Variants in PRELID2 observed in about 807,000 individuals in gnomAD.
PRELID2 encodes the protein PRELI domain containing 2, also known as PRELI domain-containing protein 2.
A neutral mutation model predicts 28.4 loss-of-function variants in PRELID2; 25 were observed. That is an observed-to-expected ratio of 0.88 (90% CI 0.64 to 1.23). The LOEUF is 1.23. Among genes scored for constraint, PRELID2 ranks in the 50% most tolerant of loss-of-function variants. The pLI is 0.00. For missense variants in PRELID2, 201 were observed against 214.4 expected, an observed-to-expected ratio of 0.94 and a Z score of 0.39; for synonymous variants, 76 against 71.6, an observed-to-expected ratio of 1.06 and a Z score of -0.31.
At chr5:145,271,800 C>T in the PRELID2 span, among the ~76,000 whole-genome samples, 2 of 152,108 alleles carry the variant, frequency 1.3e-5, no homozygotes, top group Non-Finnish European at 2.9e-5. Flanking sequence ...CCAATTCATC[C>T]GCAAGACATA....
the PRELID2 span, among the ~76,000 whole-genome samples, chr5:145,392,934 T>C: frequency 6.6e-6 from 1 of 152,216 alleles, no homozygotes; most frequent in East Asian, 1.9e-4. Flanking sequence ...AAACACTTTG[T>C]TTCTGTGTCA....
At chr5:145,299,755 A>G in the PRELID2 span, among the ~76,000 whole-genome samples, 1 of 151,794 alleles carries the variant, frequency 6.6e-6, no homozygotes, top group Non-Finnish European at 1.5e-5. Flanking sequence ...CAGATCAATA[A>G]TTTCATTGGG....
chr5:145,485,531 G>A (rs1026744625), intron 1 of PRELID2, among the ~76,000 whole-genome samples: 2 of 152,196 alleles, frequency 1.3e-5, no homozygotes, highest in African/African-American at 4.8e-5. Context: ...ACTCTTGGCT[G>A]TCAACCATGA....
intron 1 of PRELID2, among the ~76,000 whole-genome samples, chr5:145,593,014 G>A (rs1753253590): frequency 6.6e-6 from 1 of 152,144 alleles, no homozygotes; most frequent in Admixed American, 6.6e-5. Flanking sequence ...CTGTGAATGT[G>A]ACTAAGCAGA....
intron 5 of PRELID2, among the ~76,000 whole-genome samples, chr5:145,788,337 C>A (rs1752136215): frequency 6.6e-6 from 1 of 152,212 alleles, no homozygotes; most frequent in Admixed American, 6.5e-5. Flanking sequence ...TTGTCTTCAG[C>A]ATGTTTTTGG....
the PRELID2 span, among the ~76,000 whole-genome samples, chr5:145,385,273 C>T: frequency 1.3e-5 from 2 of 152,306 alleles, no homozygotes; most frequent in South Asian, 4.1e-4. Flanking sequence ...TCCCGAAGGA[C>T]TTTTCAGTAC....
intron 1 of PRELID2, among the ~76,000 whole-genome samples, chr5:145,622,425 T>C (rs1399008675): frequency 1.3e-5 from 2 of 152,170 alleles, no homozygotes; most frequent in African/African-American, 2.4e-5. Context: ...TAACTACTTA[T>C]GCTAAAGGAA....
intron 1 of PRELID2, among the ~76,000 whole-genome samples, chr5:145,599,923 T>C (rs573029942): frequency 1.3e-3 from 200 of 152,282 alleles, no homozygotes; most frequent in African/African-American, 4.5e-3. Context: ...TTTAAGAAAC[T>C]TTTATTTTAA....
At chr5:145,445,099 C>T in the PRELID2 span, among the ~76,000 whole-genome samples, 1 of 151,914 alleles carries the variant, frequency 6.6e-6, no homozygotes. Flanking sequence ...AAGAAGAAAG[C>T]CAGAGGTATC....
rs540591034 is a variant in PRELID2, at chr5:145,508,999, A to G, written n.71-35684T>C. On this transcript the variant is annotated intron_variant and non_coding_transcript_variant, in intron 1 of 2. Transcript: ENST00000510259. ...CAAATTCATAATCATAGTCTGTAAA[A>G]AACTGAAATGAGGGTCACCTTGTCA... Among the ~76,000 whole-genome samples the G allele has an allele frequency of 2.2e-4, 34 of 152,264 alleles. No individual in the cohort carries two copies. The South Asian group carries it at 3.9e-3, about 18-fold the overall frequency.
the PRELID2 span, among the ~76,000 whole-genome samples, chr5:145,306,114 C>T: frequency 6.6e-6 from 1 of 152,114 alleles, no homozygotes; most frequent in South Asian, 2.1e-4. Context: ...ACTGGAAGTG[C>T]CCACATGCTT....
At chr5:145,325,615 G>A in the PRELID2 span, among the ~76,000 whole-genome samples, 155 of 152,248 alleles carry the variant, frequency 1.0e-3, no homozygotes, top group Middle Eastern at 3.4e-3. Context: ...TAATAAGAAA[G>A]TTAAAGTTAA....
intron 1 of PRELID2, among the ~76,000 whole-genome samples, chr5:145,608,679 T>G (rs979875806): frequency 1.3e-5 from 2 of 152,182 alleles, no homozygotes; most frequent in Non-Finnish European, 2.9e-5. Flanking sequence ...ATATTTTTTC[T>G]TTCATTTCAA....
chr5:145,354,155 T>A, the PRELID2 span, among the ~76,000 whole-genome samples: 1 of 151,680 alleles, frequency 6.6e-6, no homozygotes, highest in African/African-American at 2.4e-5. Flanking sequence ...GAGGCTGTAA[T>A]TACCATCCTA....
intron 1 of PRELID2, among the ~76,000 whole-genome samples, chr5:145,745,720 G>A (rs1756972727): frequency 6.6e-6 from 1 of 152,020 alleles, no homozygotes; most frequent in South Asian, 2.1e-4. Context: ...ACAATTAGCT[G>A]GATATTGTGG....
At chr5:145,533,623 G>A (rs1281187030) in intron 1 of PRELID2, among the ~76,000 whole-genome samples, 2 of 152,014 alleles carry the variant, frequency 1.3e-5, no homozygotes, top group African/African-American at 4.8e-5. Context: ...AGCTTACAGG[G>A]ATTAGTGACT....
chr5:145,596,100 A>C (rs1000180307), intron 1 of PRELID2, among the ~76,000 whole-genome samples: 1 of 115,940 alleles, frequency 8.6e-6, no homozygotes, highest in African/African-American at 3.8e-5. Context: ...AGCCTGTCTC[A>C]AAAAAAAAAA....
At chr5:145,531,469 A>T (rs886515733) in intron 1 of PRELID2, among the ~76,000 whole-genome samples, 1 of 152,192 alleles carries the variant, frequency 6.6e-6, no homozygotes. Context: ...AACCTTGATA[A>T]TTGAAGAAAA....
intron 4 of PRELID2, among the ~76,000 whole-genome samples, chr5:145,796,912 T>C (rs2149818618): frequency 6.6e-6 from 1 of 152,218 alleles, no homozygotes; most frequent in South Asian, 2.1e-4. Context: ...CTGTGGCAAG[T>C]AAATGAGTTA....
Sources: allele counts gnomAD v4.1 joint callset (sites outside exome capture counted in the v4.1 genomes callset), GRCh38; gene constraint gnomAD v4.1.1; transcripts MANE v1.5; gene names NCBI Gene and HGNC (gene_info 2026-07-23, HGNC 2026-07-21).